Variants in TMLHE observed in about 807,000 individuals in gnomAD.
TMLHE encodes the protein trimethyllysine dioxygenase, mitochondrial.
Under a neutral mutation model 25.7 loss-of-function variants are expected in TMLHE, and 18 were observed. The observed-to-expected ratio is 0.70, with a 90% CI of 0.48 to 1.04. The LOEUF (loss-of-function observed/expected upper bound fraction) is 1.04. TMLHE is among the 50% of genes least tolerant of loss of function. The pLI is 0.00. For synonymous variants in TMLHE, 105 were observed against 97.0 expected, an observed-to-expected ratio of 1.08 and a Z score of -0.49; for missense variants, 236 against 259.0, an observed-to-expected ratio of 0.91 and a Z score of 0.61.
chrX:155,553,178 A>G (rs2067426458), intron 1 of TMLHE, among the ~76,000 whole-genome samples: 1 of 110,807 alleles, frequency 9.0e-6, no homozygotes, highest in Non-Finnish European at 1.9e-5. Context: ...GGTTGTCTAT[A>G]TATGTCAATT....
Position 155,547,623 on chromosome X carries a change from C to G in TMLHE, c.-1-2346G>C, listed in dbSNP as rs782445195. Reference sequence around the variant, plus strand: ...AAGGTGCAAAGGAGTAAGAAGTTAACCATGCCTGAGGAAAGTGGTGGAGCT... The same window carrying G: ...AAGGTGCAAAGGAGTAAGAAGTTAAGCATGCCTGAGGAAAGTGGTGGAGCT... On this transcript the variant is annotated intron_variant, in intron 1 of 7. Coordinates refer to ENST00000334398, the MANE Select transcript of TMLHE (RefSeq NM_018196.4). 6.4e-5 allele frequency among the ~76,000 whole-genome samples: 7 copies of G among 110,097 alleles called. 1 individual carries two copies. Among genetic ancestry groups the G allele is most frequent in the East Asian group, 2.9e-4 (1 of 3,504 alleles).
At chrX:155,583,310 T>C (rs1230289432) in intron 1 of TMLHE, among the ~76,000 whole-genome samples, 1 of 110,169 alleles carries the variant, frequency 9.1e-6, no homozygotes, top group Non-Finnish European at 1.9e-5. Flanking sequence ...ACCCTAGAAC[T>C]TAAAGTATAA....
At chrX:155,555,654 C>T (rs2067447683) in intron 1 of TMLHE, among the ~76,000 whole-genome samples, 1 of 110,982 alleles carries the variant, frequency 9.0e-6, no homozygotes, top group African/African-American at 3.3e-5. Flanking sequence ...TTTCATGTGT[C>T]TGTTGGCTGC....
chrX:155,555,572 A>G (rs1419556957), intron 1 of TMLHE, among the ~76,000 whole-genome samples: 1 of 110,943 alleles, frequency 9.0e-6, no homozygotes, highest in East Asian at 2.8e-4. Context: ...TCGCCATTCT[A>G]ACTGGCGTGA....
chrX:155,583,349 C>CA (rs1410815960), intron 1 of TMLHE, among the ~76,000 whole-genome samples: 26 of 110,999 alleles, frequency 2.3e-4, no homozygotes, highest in African/African-American at 8.2e-4. Context: ...GAAAGACCAT[C>CA]AAAAAAATAA....
intron 1 of TMLHE, among the ~76,000 whole-genome samples, chrX:155,583,240 G>A (rs1412083022): frequency 8.1e-5 from 9 of 111,145 alleles, no homozygotes; most frequent in Admixed American, 2.9e-4. Context: ...GTTAATGGGC[G>A]CAGCACACCA....
At chrX:155,546,193 G>A (rs1228769037) in intron 1 of TMLHE, among the ~76,000 whole-genome samples, 5 of 111,318 alleles carry the variant, frequency 4.5e-5, no homozygotes, top group African/African-American at 1.6e-4. Context: ...TCCATACTAA[G>A]CCCTACATAT....
At chrX:155,558,142 C>A (rs2124441993) in intron 1 of TMLHE, among the ~76,000 whole-genome samples, 1 of 111,987 alleles carries the variant, frequency 8.9e-6, no homozygotes, top group South Asian at 3.7e-4. Context: ...TACCTCTCAG[C>A]CTAACTTCCT....
At chrX:155,601,510 G>T (rs2067756173) in intron 1 of TMLHE, among the ~76,000 whole-genome samples, 2 of 111,194 alleles carry the variant, frequency 1.8e-5, no homozygotes, top group African/African-American at 6.5e-5. Context: ...CATACATATT[G>T]CAATCCCCAG....
intron 5 of TMLHE, among the ~76,000 whole-genome samples, chrX:155,508,185 G>A (rs947615259): frequency 9.9e-5 from 11 of 110,982 alleles, no homozygotes; most frequent in African/African-American, 3.6e-4. Flanking sequence ...AACAGGGAAA[G>A]GTAAGGTGAC....
At chrX:155,511,948 ATGCTAGTCTTGACAAT>A (rs2067116348) in intron 4 of TMLHE, among the ~76,000 whole-genome samples, 156 bp from the exon 5 acceptor site, 1 of 111,852 alleles carries the variant, frequency 8.9e-6, no homozygotes, top group African/African-American at 3.2e-5. Context: ...ACAGTTGAAC[ATGCTAGTCTTGACAAT>A]TCTGTCACTT....
Position 155,524,722 on chromosome X carries a change from C to T in TMLHE, c.182-90G>A, listed in dbSNP as rs782539798. 4.6e-5 allele frequency: 41 copies of T among 887,445 alleles called. No homozygotes were observed. In the African/African-American group the frequency reaches 7.3e-4, roughly 16 times the overall value. The allele number at this position is 887,445 out of a possible 1,213,427, so 73.1% of individuals were successfully genotyped here. A position where few individuals can be genotyped will look rare whatever the true frequency, so the allele number is the denominator to read the frequency against. On this transcript the variant is annotated intron_variant, in intron 2 of 7. Coordinates refer to ENST00000334398, the MANE Select transcript of TMLHE (RefSeq NM_018196.4). The stretch of plus-strand genomic sequence containing the variant: ...AAAACTTCCTTCTAAAAGTCTTCTA[C>T]CAATAAGCAATAAGGGTTGAGGGGA...
chrX:155,601,850 T>TA (rs1226564845), intron 1 of TMLHE, among the ~76,000 whole-genome samples: 1 of 105,914 alleles, frequency 9.4e-6, no homozygotes, highest in Non-Finnish European at 2.0e-5. Context: ...AAAATTGTAT[T>TA]AAAAAAAAGA....
chrX:155,504,721 A>G (rs931821531), intron 6 of TMLHE, among the ~76,000 whole-genome samples: 5 of 111,908 alleles, frequency 4.5e-5, no homozygotes, highest in Non-Finnish European at 7.5e-5. Context: ...CATATTAAAA[A>G]AAACACTTTT....
intron 1 of TMLHE, among the ~76,000 whole-genome samples, chrX:155,590,739 T>C (rs1400578367): frequency 9.0e-6 from 1 of 110,943 alleles, no homozygotes; most frequent in African/African-American, 3.3e-5. Context: ...TAACAGTATA[T>C]TAGAATATAG....
At chrX:155,577,067 T>C (rs73577094) in intron 1 of TMLHE, among the ~76,000 whole-genome samples, 146 of 111,448 alleles carry the variant, frequency 1.3e-3, no homozygotes, top group African/African-American at 4.6e-3. Context: ...ACAGAGTAAA[T>C]AGACAACACA....
chrX:155,606,812 A>AAC (rs1289697496), intron 1 of TMLHE, among the ~76,000 whole-genome samples: 1 of 108,828 alleles, frequency 9.2e-6, no homozygotes, highest in South Asian at 3.9e-4. Context: ...AAAAAAAAAA[A>AAC]AAACCCCATC....
intron 5 of TMLHE, among the ~76,000 whole-genome samples, chrX:155,510,088 T>C (rs1210196437): frequency 2.7e-5 from 3 of 111,312 alleles, no homozygotes; most frequent in African/African-American, 9.8e-5. Context: ...AATAACTAAA[T>C]GCAAGAAATC....
chrX:155,508,792 G>A (rs151171578), intron 5 of TMLHE, among the ~76,000 whole-genome samples: 6 of 110,630 alleles, frequency 5.4e-5, no homozygotes, highest in Admixed American at 2.9e-4. Context: ...TGAGGGGTGG[G>A]TTGGGAAAAC....
Sources: allele counts gnomAD v4.1 joint callset (sites outside exome capture counted in the v4.1 genomes callset), GRCh38; gene constraint gnomAD v4.1.1; transcripts MANE v1.5; gene names NCBI Gene and HGNC (gene_info 2026-07-23, HGNC 2026-07-21).